Variants in ACO2 observed in about 807,000 individuals in gnomAD.
ACO2 encodes aconitase 2, also known as aconitate hydratase, mitochondrial.
A neutral mutation model predicts 84.5 loss-of-function variants in ACO2; 31 were observed. The ratio of observed to expected loss-of-function variants is 0.37; its 90% confidence interval spans 0.28 to 0.50. ACO2 has a LOEUF of 0.50. ACO2 is among the 20% of genes least tolerant of loss of function. ACO2 has a pLI of 0.97. For synonymous variants in ACO2, 414 were observed against 412.7 expected (o/e 1.00, Z -0.04); for missense variants, 685 against 1,029.3 (o/e 0.67, Z 4.58).
intron 9 of ACO2, chr22:41,521,445 C>T (rs1037540277): frequency 1.3e-5 from 2 of 152,264 alleles, no homozygotes; most frequent in African/African-American, 2.4e-5. Context: ...CCTGAGCAAA[C>T]TACTTCACTG....
intron 1 of ACO2, among the ~76,000 whole-genome samples, chr22:41,471,389 T>C (rs2037944481): frequency 6.6e-6 from 1 of 152,220 alleles, no homozygotes; most frequent in Non-Finnish European, 1.5e-5. Context: ...ACACGGTTTC[T>C]CTGAGAAGCT....
chr22:41,498,527 C>T (rs942005960), intron 1 of ACO2, among the ~76,000 whole-genome samples: 7 of 152,192 alleles, frequency 4.6e-5, no homozygotes, highest in Admixed American at 1.3e-4. Flanking sequence ...GGCTAGCCAT[C>T]TGACGGGTTG....
intron 1 of ACO2, among the ~76,000 whole-genome samples, chr22:41,471,673 C>T (rs2037947954): frequency 6.6e-6 from 1 of 152,116 alleles, no homozygotes; most frequent in Admixed American, 6.5e-5. Context: ...CTTGGCTGGA[C>T]CAAAGGTGAA....
intron 2 of ACO2, among the ~76,000 whole-genome samples, chr22:41,502,340 C>G (rs1437202725): frequency 6.6e-6 from 1 of 152,182 alleles, no homozygotes; most frequent in African/African-American, 2.4e-5. Flanking sequence ...CCCACTGAGT[C>G]AGAACCGGCC....
rs2066575189 is a variant in ACO2, at chr22:41,525,490, CAG to C, written c.1761+147_1761+148del. 8 of 1,087,798 alleles carry C rather than the reference CAG, an allele frequency of 7.4e-6. No individual in the cohort carries two copies. In the Admixed American group the frequency reaches 9.4e-5, roughly 13 times the overall value. 67.4% of individuals were successfully genotyped at this position (1,087,798 alleles called of 1,614,324 possible). A position where few individuals can be genotyped will look rare whatever the true frequency, so the allele number is the denominator to read the frequency against. ...ATGGAAGGGAGGTTTGGCTGCAGAG[CAG>C]AGAGGGTATCGCAACGCAGTCCAGC... On this transcript the variant is annotated intron_variant, in intron 14 of 17. Transcript: ENST00000216254.
chr22:41,499,954 C>A, intron 2 of ACO2, 92 bp downstream of exon 2: 1 of 1,517,212 alleles, frequency 6.6e-7, no homozygotes, highest in Non-Finnish European at 9.0e-7. Flanking sequence ...GTGAAGGATG[C>A]TTGGTGATAG....
intron 1 of ACO2, among the ~76,000 whole-genome samples, chr22:41,475,029 C>T (rs1185627287): frequency 6.6e-6 from 1 of 151,896 alleles, no homozygotes; most frequent in African/African-American, 2.4e-5. Flanking sequence ...ACCCAGGGGC[C>T]CTCACTTGAG....
At chr22:41,488,784 A>C (rs950665065) in intron 1 of ACO2, among the ~76,000 whole-genome samples, 2 of 152,184 alleles carry the variant, frequency 1.3e-5, no homozygotes, top group Non-Finnish European at 2.9e-5. Flanking sequence ...TTGGGGATTA[A>C]GGGGGTTTAC....
chr22:41,485,416 C>T (rs568428703), intron 1 of ACO2, among the ~76,000 whole-genome samples: 20 of 150,320 alleles, frequency 1.3e-4, no homozygotes, highest in Admixed American at 7.9e-4. Context: ...TTACAGCATG[C>T]GCTACCATGC....
Position 41,515,513 on chromosome 22 carries a change from C to T in ACO2, c.662C>T (p.Pro221Leu), listed in dbSNP as rs1291971466. The change falls in exon 5 of 18, where the codon CCC (proline) becomes CTC (leucine). Residue 221 changes from proline (P) to leucine (L), a missense_variant. By Grantham distance (98) the Pro-to-Leu change is moderately conservative. This residue lies in a region of ACO2 where 92 missense variants were observed against 203.7 expected (regional missense o/e 0.45). Transcript: ENST00000216254. This position sits in a 1 kb window ranked among gnomAD's most constrained non-coding sequence, Gnocchi z 5.8. ...GCTGTGGATGTCATGGCTGGGATCCCCTGGGAGCTGAAGTGCCCCAAGGTG... is the reference window on the plus strand; with the variant it reads ...GCTGTGGATGTCATGGCTGGGATCCTCTGGGAGCTGAAGTGCCCCAAGGTG... ...ADAVDVMAGI[P>L]WELKCPKVIG... 4 of 1,612,678 alleles carry T rather than the reference C, an allele frequency of 2.5e-6. No individual in the cohort carries two copies. The highest frequency in any genetic ancestry group is 2.2e-5 in the East Asian group (1 of 44,868).
In ACO2 at chr22:41,518,528, C is replaced by T. The variant is rs150129663; in HGVS notation, c.988C>T (p.Pro330Ser). ...DEFKDHLVPD[P>S]GCHYDQLIEI... ...ATTCAAGGATCACTTGGTGCCTGAC[C>T]CTGGCTGCCATTATGACCAACTAAT... Residue 330 changes from proline (P) to serine (S), a missense_variant, in exon 8 of 18, where the codon CCT becomes TCT. Coordinates refer to ENST00000216254, the MANE Select transcript of ACO2 (RefSeq NM_001098.3). 1.9e-5 allele frequency: 30 copies of T among 1,613,890 alleles called. No individual in the cohort carries two copies. The African/African-American group carries it at 2.7e-4, about 14-fold the overall frequency.
At position 41,527,389 on chromosome 22, in the gene ACO2, C is replaced by G. The variant is rs770962680; in HGVS notation, c.2055C>G (p.Ala685=). Residue 685 remains alanine, a synonymous_variant, in exon 16 of 18, where the codon GCC becomes GCG. Coordinates refer to ENST00000216254, the MANE Select transcript of ACO2 (RefSeq NM_001098.3). ...ALEPRHLGGR[A]IITKSFARIH... is the part of the protein sequence containing the mutation. ...AGCCTCGCCACCTTGGGGGCCGGGCCATCATCACCAAGAGCTTTGCCAGGA... is the reference window on the plus strand; with the variant it reads ...AGCCTCGCCACCTTGGGGGCCGGGCGATCATCACCAAGAGCTTTGCCAGGA... The G allele has an allele frequency of 1.9e-6, 3 of 1,613,390 alleles. No homozygotes were observed. The highest frequency in any genetic ancestry group is 2.7e-5 in the African/African-American group (2 of 75,040).
intron 16 of ACO2, chr22:41,527,660 C>A: frequency 1.3e-6 from 1 of 784,456 alleles, no homozygotes; most frequent in Non-Finnish European, 2.0e-6. Context: ...AGGACATGTG[C>A]CAGGGGGTTC....
intron 1 of ACO2, chr22:41,469,435 G>A (rs973708020): frequency 9.5e-5 from 44 of 463,548 alleles, no homozygotes; most frequent in Non-Finnish European, 1.6e-4. Flanking sequence ...GCCGGGTGAA[G>A]AGCGGAGGCA....
rs2066661488 is a variant in ACO2, at chr22:41,528,838, C to T, written c.*225C>T. The T allele has an allele frequency of 3.4e-6, 2 of 584,568 alleles. No individual in the cohort carries two copies. The highest frequency in any genetic ancestry group is 5.9e-6 in the Non-Finnish European group (2 of 339,176). 36.2% of individuals were successfully genotyped at this position (584,568 alleles called of 1,614,324 possible). The stretch of plus-strand genomic sequence containing the variant: ...TTTTGAGTTTGGTTCAGATCTTAAG[C>T]AGCTCCATGCAACTGTATTTATTTT... On this transcript the variant is annotated 3_prime_UTR_variant, in exon 18 of 18. Coordinates refer to ENST00000216254, the MANE Select transcript of ACO2 (RefSeq NM_001098.3).
intron 1 of ACO2, among the ~76,000 whole-genome samples, chr22:41,487,721 A>G (rs1017846094): frequency 1.3e-5 from 2 of 152,102 alleles, no homozygotes; most frequent in African/African-American, 2.4e-5. Context: ...ACAGCTCTAG[A>G]GGGCTGCTTA....
At chr22:41,504,711 C>CTT (rs926246283) in intron 2 of ACO2, among the ~76,000 whole-genome samples, 777 of 48,538 alleles carry the variant, frequency 0.016, 112 homozygotes, top group African/African-American at 0.02. Context: ...ACCTTAGGGA[C>CTT]TTTTTTTTTT....
intron 12 of ACO2, 51 bp from the exon 13 acceptor site, chr22:41,524,795 G>T: frequency 6.2e-7 from 1 of 1,613,618 alleles, no homozygotes; most frequent in Non-Finnish European, 8.5e-7. Flanking sequence ...AGGTGCAGGA[G>T]ACAGGAGTGG....
intron 15 of ACO2, chr22:41,526,905 G>C (rs1421343417): frequency 1.5e-5 from 5 of 335,122 alleles, no homozygotes; most frequent in Non-Finnish European, 2.2e-5. Context: ...CCCCCTGGTG[G>C]CTGGGTGGGG....
Sources: gnomAD v4.1 joint callset for allele counts (sites outside exome capture counted in the v4.1 genomes callset) on GRCh38, gnomAD v4.1.1 for gene constraint, gnomAD v4.1.1 regional missense constraint, Gnocchi (gnomAD v3.1) non-coding constraint, MANE v1.5 for transcripts, NCBI Gene and HGNC (gene_info 2026-07-23, HGNC 2026-07-21) for gene names.